SNRPD1: variants seen among roughly 807,000 people sequenced by gnomAD.
SNRPD1 encodes the protein small nuclear ribonucleoprotein Sm D1.
Under a neutral mutation model 14.4 loss-of-function variants are expected in SNRPD1, and 1 was observed. The observed-to-expected ratio is 0.07, with a 90% confidence interval of 0.02 to 0.33. The LOEUF (loss-of-function observed/expected upper bound fraction) is 0.33. SNRPD1 is among the 10% of genes least tolerant of loss of function. SNRPD1 has a pLI of 1.00. For synonymous variants in SNRPD1, 42 were observed against 50.3 expected, an observed-to-expected ratio of 0.83 and a Z score of 0.70; for missense variants, 52 against 146.4, an observed-to-expected ratio of 0.36 and a Z score of 3.33.
In SNRPD1 at chr18:21,619,008, A is replaced by G. The variant is rs370748270; in HGVS notation, c.15-3717A>G. Among the ~76,000 whole-genome samples the G allele has an allele frequency of 3.8e-3, 581 of 152,096 alleles. 5 individuals are homozygous for G. The highest frequency in any genetic ancestry group is 6.8e-3 in the Middle Eastern group (2 of 294). ...GTGATGATAGGATCTGTTAATTCAA[A>G]GTATATATTATAGACTAAAAGTTTT... On this transcript the variant is annotated intron_variant, in intron 1 of 3. Coordinates refer to ENST00000300413, the MANE Select transcript of SNRPD1 (RefSeq NM_006938.4).
At chr18:21,614,498 C>T (rs1359597882) in intron 1 of SNRPD1, among the ~76,000 whole-genome samples, 1 of 152,018 alleles carries the variant, frequency 6.6e-6, no homozygotes, top group Non-Finnish European at 1.5e-5. Context: ...TGTATTTTTC[C>T]TCCAGAAAAT....
chr18:21,625,279 C>A (rs2039028119), intron 3 of SNRPD1, among the ~76,000 whole-genome samples: 1 of 143,368 alleles, frequency 7.0e-6, no homozygotes, highest in African/African-American at 2.7e-5. Context: ...TGTTACAGTT[C>A]CCAGTCTACT....
chr18:21,621,012 C>A (rs1466955689), intron 1 of SNRPD1, among the ~76,000 whole-genome samples: 4 of 151,308 alleles, frequency 2.6e-5, no homozygotes, highest in Non-Finnish European at 5.9e-5. Flanking sequence ...AAAAAAAATA[C>A]AAAAAATTAG....
intron 1 of SNRPD1, among the ~76,000 whole-genome samples, chr18:21,618,290 C>T (rs1218316315): frequency 2.0e-5 from 3 of 151,456 alleles, no homozygotes; most frequent in East Asian, 3.9e-4. Context: ...AAATATTAGC[C>T]GGGCATGGTG....
At chr18:21,624,712 A>G (rs1033252644) in intron 3 of SNRPD1, among the ~76,000 whole-genome samples, 7 of 151,118 alleles carry the variant, frequency 4.6e-5, no homozygotes, top group African/African-American at 1.7e-4. Context: ...ATATATATAT[A>G]TATATATGAT....
At chr18:21,627,188 G>A (rs1275599406) in intron 3 of SNRPD1, among the ~76,000 whole-genome samples, 2 of 152,056 alleles carry the variant, frequency 1.3e-5, no homozygotes, top group African/African-American at 4.8e-5. Flanking sequence ...AGAATCGCTT[G>A]AACCCGAGAG....
chr18:21,617,263 C>T (rs1377829402), intron 1 of SNRPD1, among the ~76,000 whole-genome samples: 1 of 151,900 alleles, frequency 6.6e-6, no homozygotes, highest in Non-Finnish European at 1.5e-5. Flanking sequence ...CGAGACCAGC[C>T]TGACCAACAT....
At chr18:21,618,068 T>TA (rs1308794369) in intron 1 of SNRPD1, among the ~76,000 whole-genome samples, 1 of 152,098 alleles carries the variant, frequency 6.6e-6, no homozygotes, top group Non-Finnish European at 1.5e-5. Context: ...TCAGGCTTCT[T>TA]ACTAGGAGTC....
chr18:21,629,613 G>C lies in SNRPD1; in HGVS notation c.*475G>C, dbSNP rs900451793. The C allele has an allele frequency of 1.9e-5, 3 of 158,368 alleles. No individual in the cohort carries two copies. The highest frequency in any genetic ancestry group is 7.2e-5 in the African/African-American group (3 of 41,478). The allele number at this position is 158,368 out of a possible 1,614,324, so 9.8% of individuals were successfully genotyped here. On this transcript the variant is annotated 3_prime_UTR_variant, in exon 4 of 4. Transcript: ENST00000300413. ...TTACAGTTCAGCGTTTGCCTTATTT[G>C]AATATGGTTTGAACAGTTCGCTGTC... is the stretch of plus-strand genomic sequence containing the variant.
intron 1 of SNRPD1, among the ~76,000 whole-genome samples, chr18:21,622,409 G>A (rs902021777): frequency 7.2e-5 from 11 of 152,104 alleles, no homozygotes; most frequent in African/African-American, 2.7e-4. Flanking sequence ...CAAACTGCTG[G>A]AATTATAGGC....
chr18:21,621,841 T>C (rs1455263710), intron 1 of SNRPD1, among the ~76,000 whole-genome samples: 2 of 152,174 alleles, frequency 1.3e-5, no homozygotes, highest in Non-Finnish European at 2.9e-5. Flanking sequence ...CCTCCCAAAG[T>C]GCTGGGATTA....
At chr18:21,615,751 G>A (rs2038952706) in intron 1 of SNRPD1, among the ~76,000 whole-genome samples, 1 of 152,146 alleles carries the variant, frequency 6.6e-6, no homozygotes, top group Admixed American at 6.5e-5. Flanking sequence ...AATTTTCGTG[G>A]GTAAATACTC....
chr18:21,625,144 C>A (rs2046673937), intron 3 of SNRPD1, among the ~76,000 whole-genome samples: 1 of 151,608 alleles, frequency 6.6e-6, no homozygotes, highest in Non-Finnish European at 1.5e-5. Context: ...GGTTATTCTA[C>A]ATTTTTTTTT....
chr18:21,619,192 GT>G (rs890834604), intron 1 of SNRPD1, among the ~76,000 whole-genome samples: 8 of 151,822 alleles, frequency 5.3e-5, no homozygotes, highest in African/African-American at 1.9e-4. Context: ...TTTTTCGTTT[GT>G]TTTTTTGACA....
chr18:21,616,202 T>G (rs568789776), intron 1 of SNRPD1, among the ~76,000 whole-genome samples: 58 of 151,802 alleles, frequency 3.8e-4, no homozygotes, highest in Non-Finnish European at 6.9e-4. Flanking sequence ...AGCCAGGATG[T>G]TCTCAATCTC....
At chr18:21,617,911 G>A (rs895998908) in intron 1 of SNRPD1, among the ~76,000 whole-genome samples, 4 of 152,120 alleles carry the variant, frequency 2.6e-5, no homozygotes, top group South Asian at 2.1e-4. Context: ...CCCGGGAGAC[G>A]GAGGTTGCAA....
intron 3 of SNRPD1, among the ~76,000 whole-genome samples, chr18:21,628,108 G>A (rs752380540): frequency 2.6e-5 from 4 of 152,152 alleles, no homozygotes; most frequent in Admixed American, 6.5e-5. Flanking sequence ...GGCCAGGTGC[G>A]GTGGCTCACA....
Position 21,633,411 on chromosome 18 carries a change from C to G in SNRPD1, c.*4273C>G, listed in dbSNP as rs1007277695. ...ACTCCATAACAAGAAGAATCTCTGT[C>G]ATAATAAACCAACAGCAGACATTTT... On this transcript the variant is annotated 3_prime_UTR_variant, in exon 4 of 4. Coordinates refer to ENST00000300413, the MANE Select transcript of SNRPD1 (RefSeq NM_006938.4). The G allele has an allele frequency of 3.3e-5, 5 of 152,124 alleles. No homozygotes were observed. The highest frequency in any genetic ancestry group is 5.9e-5 in the Non-Finnish European group (4 of 68,030). The allele number at this position is 152,124 out of a possible 1,614,324, so 9.4% of individuals were successfully genotyped here. A position where few individuals can be genotyped will look rare whatever the true frequency, so the allele number is the denominator to read the frequency against.
chr18:21,617,408 C>T (rs2038965483), intron 1 of SNRPD1, among the ~76,000 whole-genome samples: 1 of 152,104 alleles, frequency 6.6e-6, no homozygotes, highest in African/African-American at 2.4e-5. Context: ...TGTATTGTTT[C>T]ATTGATCTAT....
Sources: gnomAD v4.1 joint callset for allele counts (sites outside exome capture counted in the v4.1 genomes callset) on GRCh38, gnomAD v4.1.1 for gene constraint, MANE v1.5 for transcripts, NCBI Gene and HGNC (gene_info 2026-07-23, HGNC 2026-07-21) for gene names.